Variants in AGMO observed in about 807,000 individuals in gnomAD.
AGMO encodes alkylglycerol monooxygenase, also known as glyceryl-ether monooxygenase.
AGMO carries 75 observed loss-of-function variants against 60.2 expected under a neutral mutation model. The ratio of observed to expected loss-of-function variants is 1.25; its 90% CI spans 1.03 to 1.51. AGMO has a LOEUF of 1.51. Ranked by LOEUF, AGMO falls within the 40% of genes most tolerant of loss-of-function variation. AGMO has a pLI of 0.00. For missense variants in AGMO, 763 were observed against 525.5 expected, an observed-to-expected ratio of 1.45 and a Z score of -4.42; for synonymous variants, 261 against 177.1, an observed-to-expected ratio of 1.47 and a Z score of -3.76.
chr7:15,549,388 G>C (rs36160993), intron 2 of AGMO, among the ~76,000 whole-genome samples: 6 of 152,052 alleles, frequency 3.9e-5, no homozygotes, highest in Admixed American at 1.3e-4. Context: ...GATAAAGAGT[G>C]AAGACCCATC....
intron 12 of AGMO, among the ~76,000 whole-genome samples, chr7:15,262,054 A>C (rs890851878): frequency 3.3e-5 from 5 of 152,044 alleles, no homozygotes; most frequent in Non-Finnish European, 7.4e-5. Flanking sequence ...AATGGAGAAA[A>C]GTTGAAAGCA....
intron 12 of AGMO, among the ~76,000 whole-genome samples, chr7:15,228,393 A>G (rs981751029): frequency 5.9e-5 from 9 of 152,252 alleles, no homozygotes; most frequent in African/African-American, 2.2e-4. Context: ...CTAGCTATAG[A>G]GCTTAAAGGA....
chr7:15,378,214 A>G (rs915502254), intron 10 of AGMO, among the ~76,000 whole-genome samples: 1 of 152,034 alleles, frequency 6.6e-6, no homozygotes, highest in Non-Finnish European at 1.5e-5. Flanking sequence ...TTAAAAAATT[A>G]TATTTGGACA....
rs567009853 is a variant in AGMO, at chr7:15,364,929, G to T, written c.1263+585C>A. On this transcript the variant is annotated intron_variant, in intron 12 of 12. Transcript: ENST00000342526. ...CACTCTCTATTAATGCACTAGTGAT[G>T]AGAAAATAAATGTCTTTAACAGCTG... 1.2e-4 allele frequency among the ~76,000 whole-genome samples: 19 copies of T among 152,104 alleles called. No homozygotes were observed. The South Asian group carries it at 3.9e-3, about 32-fold the overall frequency.
intron 3 of AGMO, among the ~76,000 whole-genome samples, chr7:15,493,400 G>C (rs1783128256): frequency 9.0e-6 from 1 of 110,786 alleles, no homozygotes; most frequent in Non-Finnish European, 1.7e-5. Context: ...TTGAGACGGA[G>C]TCTCGCTCTG....
intron 3 of AGMO, among the ~76,000 whole-genome samples, chr7:15,458,016 T>C (rs1342153778): frequency 1.3e-5 from 2 of 152,202 alleles, no homozygotes; most frequent in Admixed American, 6.6e-5. Context: ...ATTTAACTTG[T>C]AGGACTGCTT....
intron 1 of AGMO, 133 bp downstream of exon 1, chr7:15,561,587 A>T: frequency 1.0e-6 from 1 of 963,546 alleles, no homozygotes; most frequent in Non-Finnish European, 1.4e-6. Flanking sequence ...TCACGCCTTT[A>T]AGAAACTGAA....
At chr7:15,364,784 G>A (rs547025810) in intron 12 of AGMO, among the ~76,000 whole-genome samples, 3 of 151,992 alleles carry the variant, frequency 2.0e-5, no homozygotes, top group African/African-American at 4.8e-5. Flanking sequence ...GCTAAGAGCG[G>A]GGGATATTAG....
Position 15,550,146 on chromosome 7 carries a change from C to A in AGMO, c.258-5223G>T, listed in dbSNP as rs1187833525. On this transcript the variant is annotated intron_variant, in intron 2 of 12. Transcript: ENST00000342526. ...GAACAAAGACACAACATACCAGAAT[C>A]TCTGGGATGCATTCAAAGCAGTGTG... Among the ~76,000 whole-genome samples the A allele has an allele frequency of 4.6e-5, 7 of 151,798 alleles. No individual in the cohort carries two copies. In the East Asian group the frequency reaches 1.2e-3, roughly 25 times the overall value.
intron 12 of AGMO, among the ~76,000 whole-genome samples, chr7:15,301,166 C>T (rs1442241978): frequency 6.6e-6 from 1 of 152,104 alleles, no homozygotes; most frequent in South Asian, 2.1e-4. Flanking sequence ...TGGCCGGGCG[C>T]GGTGGCTCAT....
intron 3 of AGMO, among the ~76,000 whole-genome samples, chr7:15,443,467 C>A (rs1010897710): frequency 6.6e-6 from 1 of 152,170 alleles, no homozygotes; most frequent in African/African-American, 2.4e-5. Context: ...TTTAATCATT[C>A]CCCTCCTAAC....
At chr7:15,500,035 T>C (rs773972203) in intron 3 of AGMO, among the ~76,000 whole-genome samples, 32 of 151,462 alleles carry the variant, frequency 2.1e-4, no homozygotes, top group Non-Finnish European at 3.5e-4. Flanking sequence ...CAAAACTAGG[T>C]ATGAGTATAT....
At chr7:15,295,324 A>T (rs1784379835) in intron 12 of AGMO, among the ~76,000 whole-genome samples, 1 of 152,062 alleles carries the variant, frequency 6.6e-6, no homozygotes, top group East Asian at 1.9e-4. Context: ...TTGAGCACAA[A>T]CTATAAGGTA....
At chr7:15,140,871 G>A in the AGMO span, among the ~76,000 whole-genome samples, 9 of 151,514 alleles carry the variant, frequency 5.9e-5, no homozygotes, top group Non-Finnish European at 1.2e-4. Flanking sequence ...TAATCCTCAG[G>A]GCCCTTAAAC....
rs1230980167 is a variant in AGMO, at chr7:15,548,051, G to A, written c.258-3128C>T. On this transcript the variant is annotated intron_variant, in intron 2 of 12. Coordinates refer to ENST00000342526, the MANE Select transcript of AGMO (RefSeq NM_001004320.2). ...TAACTAGGAGGCACCCCCCAGCAGGGGCACACTGACACCTCACACGGCAGG... is the reference window on the plus strand; with the variant it reads ...TAACTAGGAGGCACCCCCCAGCAGGAGCACACTGACACCTCACACGGCAGG... 3.3e-5 allele frequency among the ~76,000 whole-genome samples: 5 copies of A among 151,386 alleles called. No individual in the cohort carries two copies. In the East Asian group the frequency reaches 9.7e-4, roughly 29 times the overall value.
At chr7:15,392,872 C>T (rs1356500333) in intron 6 of AGMO, among the ~76,000 whole-genome samples, 1 of 152,182 alleles carries the variant, frequency 6.6e-6, no homozygotes, top group African/African-American at 2.4e-5. Context: ...CATAGCTTCG[C>T]CTAGCCTGCC....
At chr7:15,439,372 G>A (rs1781489048) in intron 3 of AGMO, among the ~76,000 whole-genome samples, 1 of 152,122 alleles carries the variant, frequency 6.6e-6, no homozygotes, top group African/African-American at 2.4e-5. Flanking sequence ...ACTCCAGCCT[G>A]GTGACAGAGT....
At chr7:15,388,210 T>C (rs935999076) in intron 8 of AGMO, among the ~76,000 whole-genome samples, 3 of 152,202 alleles carry the variant, frequency 2.0e-5, no homozygotes, top group Non-Finnish European at 4.4e-5. Flanking sequence ...CAATAAGGAA[T>C]CTGAAGCAAT....
intron 12 of AGMO, among the ~76,000 whole-genome samples, chr7:15,361,346 T>C (rs1045434023): frequency 1.3e-5 from 2 of 151,322 alleles, no homozygotes; most frequent in African/African-American, 2.4e-5. Context: ...GAGACCATCC[T>C]GGCTAACATG....
Sources: allele counts gnomAD v4.1 joint callset (sites outside exome capture counted in the v4.1 genomes callset), GRCh38; gene constraint gnomAD v4.1.1; transcripts MANE v1.5; gene names NCBI Gene and HGNC (gene_info 2026-07-23, HGNC 2026-07-21).